SPEF2: variants seen among roughly 807,000 people sequenced by gnomAD.
SPEF2 encodes sperm flagella and cilia-associated protein 2.
Under a neutral mutation model 224.6 loss-of-function variants are expected in SPEF2, and 187 were observed. That is an observed-to-expected ratio of 0.83 (90% CI 0.74 to 0.94). The LOEUF is 0.94. Ranked by LOEUF, SPEF2 falls within the 40% of genes least tolerant of loss-of-function variation. SPEF2 has a pLI of 0.00. For synonymous variants in SPEF2, 715 were observed against 707.3 expected (o/e 1.01, Z -0.17); for missense variants, 2,170 against 2,135.6 (o/e 1.02, Z -0.32).
intron 7 of SPEF2, among the ~76,000 whole-genome samples, chr5:35,656,375 C>T (rs1291718295): frequency 2.0e-5 from 3 of 152,138 alleles, no homozygotes; most frequent in Non-Finnish European, 4.4e-5. Flanking sequence ...AATAGCTCTG[C>T]ACATCTCTTT....
chr5:35,759,225 T>TTGAA (rs1750887740), intron 24 of SPEF2, among the ~76,000 whole-genome samples: 1 of 152,112 alleles, frequency 6.6e-6, no homozygotes, highest in Non-Finnish European at 1.5e-5. Flanking sequence ...TATTGGCTGA[T>TTGAA]TGAATCTAGG....
intron 25 of SPEF2, 109 bp downstream of exon 25, chr5:35,759,828 A>G (rs1554050979): frequency 8.7e-7 from 1 of 1,148,946 alleles, no homozygotes; most frequent in Non-Finnish European, 1.2e-6. Flanking sequence ...CAAATCTAAG[A>G]TCCAAAAAAG....
rs78513456 is a variant in SPEF2 at position 35,740,608 on chromosome 5, A to G, written c.3330+341A>G. On this transcript the variant is annotated intron_variant, in intron 23 of 36. Coordinates refer to ENST00000356031, the MANE Select transcript of SPEF2 (RefSeq NM_024867.4). ...TCACATTCCTTTCTTGAGCACAGTT[A>G]CACATTTTGTTGATAGCAAGGAGAA... Among the ~76,000 whole-genome samples the G allele has an allele frequency of 4.0e-3, 608 of 152,296 alleles. 11 individuals are homozygous for G. Among genetic ancestry groups the G allele is most frequent in the African/African-American group, 0.014 (583 of 41,562 alleles).
intron 36 of SPEF2, among the ~76,000 whole-genome samples, chr5:35,810,583 C>T (rs576319071): frequency 1.2e-4 from 19 of 152,316 alleles, no homozygotes; most frequent in African/African-American, 3.8e-4. Flanking sequence ...AGCACAGTTC[C>T]TCTTTGAGGA....
intron 10 of SPEF2, 116 bp from the exon 11 acceptor site, chr5:35,690,921 G>C (rs1381019746): frequency 4.5e-6 from 3 of 672,642 alleles, no homozygotes; most frequent in Non-Finnish European, 7.3e-6. Context: ...TATAATTAAA[G>C]TATTCATTGG....
At chr5:35,696,087 A>G (rs938260896) in intron 14 of SPEF2, among the ~76,000 whole-genome samples, 2 of 152,126 alleles carry the variant, frequency 1.3e-5, no homozygotes, top group African/African-American at 4.8e-5. Flanking sequence ...CATTTAATTT[A>G]TGACTTTTAT....
rs554158445 is a variant in SPEF2 at position 35,801,984 on chromosome 5, C to T, written c.5010+1837C>T. ...GTAAATTATGCTTTTTGCATGGTCCCGTGAGGAACACAAAAGAAGCCAAAC... is the reference window on the plus strand; with the variant it reads ...GTAAATTATGCTTTTTGCATGGTCCTGTGAGGAACACAAAAGAAGCCAAAC... On this transcript the variant is annotated intron_variant, in intron 34 of 36. Coordinates refer to ENST00000356031, the MANE Select transcript of SPEF2 (RefSeq NM_024867.4). Among the ~76,000 whole-genome samples the T allele has an allele frequency of 3.3e-5, 5 of 152,230 alleles. No homozygotes were observed. The South Asian group carries it at 6.2e-4, about 19-fold the overall frequency.
rs899298808 is a variant in SPEF2 at position 35,628,531 on chromosome 5, C to T, written c.130C>T (p.Gln44Ter). Residue 44 changes from glutamine to a stop codon, truncating the protein, a stop_gained, in exon 2 of 37, where the codon CAG becomes TAG. Coordinates refer to ENST00000356031, the MANE Select transcript of SPEF2 (RefSeq NM_024867.4). LOFTEE classifies it high-confidence loss of function. ...AGAAGTTCTACACAAGTTTGAACTT[C>T]AGGATGATTTTTCAGAATTTTTGGA... Reference protein sequence around the residue: ...LGEVLHKFELQDDFSEFLDSR... With the variant: ...LGEVLHKFEL 2.5e-5 allele frequency: 40 copies of T among 1,613,608 alleles called. No individual in the cohort carries two copies. The highest frequency in any genetic ancestry group is 3.1e-5 in the Non-Finnish European group (36 of 1,179,782).
At chr5:35,659,240 G>T in intron 8 of SPEF2, 33 bp downstream of exon 8, 2 of 1,520,286 alleles carry the variant, frequency 1.3e-6, no homozygotes, top group South Asian at 1.3e-5. Flanking sequence ...ATCTTTCTAA[G>T]GTTACTTTTG....
At chr5:35,714,237 A>G (rs1742029434) in intron 20 of SPEF2, among the ~76,000 whole-genome samples, 1 of 151,136 alleles carries the variant, frequency 6.6e-6, no homozygotes, top group African/African-American at 2.4e-5. Flanking sequence ...GAGTTTCTTC[A>G]GAGAATTTTT....
At chr5:35,753,435 G>A (rs543323883) in intron 23 of SPEF2, among the ~76,000 whole-genome samples, 189 bp from the exon 24 acceptor site, 4 of 152,130 alleles carry the variant, frequency 2.6e-5, no homozygotes, top group African/African-American at 7.2e-5. Flanking sequence ...CTCTTCAAAC[G>A]TAAGGGACTG....
rs1388050235 is a variant in SPEF2 at position 35,688,290 on chromosome 5, T to A, written c.1525-2747T>A. On this transcript the variant is annotated intron_variant, in intron 10 of 36. Transcript: ENST00000356031. ...GCACGGACTAGAACTTCCCAAATAATGTGACTAATAGTACTCATGATGAGC... is the reference window on the plus strand; with the variant it reads ...GCACGGACTAGAACTTCCCAAATAAAGTGACTAATAGTACTCATGATGAGC... 3.3e-5 allele frequency among the ~76,000 whole-genome samples: 5 copies of A among 152,278 alleles called. No individual in the cohort carries two copies. In the East Asian group the frequency reaches 5.8e-4, roughly 18 times the overall value.
intron 20 of SPEF2, among the ~76,000 whole-genome samples, chr5:35,722,409 C>A: frequency 6.6e-6 from 1 of 151,594 alleles, no homozygotes; most frequent in East Asian, 1.9e-4. Flanking sequence ...GTTTCCCCCA[C>A]CCTCAGAAGT....
intron 15 of SPEF2, chr5:35,699,816 G>C (rs1233698785): frequency 6.6e-6 from 1 of 152,370 alleles, no homozygotes; most frequent in South Asian, 2.1e-4. Context: ...TTGAGGAGAT[G>C]AGTTTGTTTG....
At chr5:35,658,172 C>T (rs1255164920) in intron 7 of SPEF2, among the ~76,000 whole-genome samples, 1 of 152,102 alleles carries the variant, frequency 6.6e-6, no homozygotes, top group Non-Finnish European at 1.5e-5. Flanking sequence ...AGAAATAGGC[C>T]CGAGAAACTG....
intron 2 of SPEF2, among the ~76,000 whole-genome samples, 165 bp from the exon 3 acceptor site, chr5:35,641,266 A>G (rs1746584863): frequency 6.6e-6 from 1 of 152,200 alleles, no homozygotes; most frequent in Non-Finnish European, 1.5e-5. Flanking sequence ...TGGTCAATAA[A>G]AAAATCTCAA....
At chr5:35,641,216 G>A (rs559195963) in intron 2 of SPEF2, among the ~76,000 whole-genome samples, 1 of 152,158 alleles carries the variant, frequency 6.6e-6, no homozygotes, top group South Asian at 2.1e-4. Context: ...TTTTAGTGTA[G>A]CCATTTAAAA....
chr5:35,724,107 A>G (rs947510379), intron 20 of SPEF2, among the ~76,000 whole-genome samples: 7 of 152,198 alleles, frequency 4.6e-5, no homozygotes, highest in African/African-American at 1.7e-4. Flanking sequence ...AGAAATTATC[A>G]TTTTACCATG....
At chr5:35,664,460 GCAGGTGGAT>G (rs1750168435) in intron 8 of SPEF2, among the ~76,000 whole-genome samples, 1 of 152,048 alleles carries the variant, frequency 6.6e-6, no homozygotes, top group Non-Finnish European at 1.5e-5. Flanking sequence ...GGAGGCCAAG[GCAGGTGGAT>G]CACGAGGACA....
Sources: allele counts gnomAD v4.1 joint callset (sites outside exome capture counted in the v4.1 genomes callset), GRCh38; gene constraint gnomAD v4.1.1; transcripts MANE v1.5; gene names NCBI Gene and HGNC (gene_info 2026-07-23, HGNC 2026-07-21).